Variants in NR2C2 observed in about 807,000 individuals in gnomAD.
NR2C2 encodes nuclear receptor subfamily 2 group C member 2.
In NR2C2, 6 loss-of-function variants were observed where a neutral mutation model predicts 62.9. The ratio of observed to expected loss-of-function variants is 0.10; its 90% CI spans 0.05 to 0.19. The LOEUF (loss-of-function observed/expected upper bound fraction) is 0.19, where lower values mean the gene tolerates loss of function less well. NR2C2 is among the 10% of genes least tolerant of loss of function. The pLI, the probability that NR2C2 is intolerant of heterozygous loss-of-function variation, is 1.00. For synonymous variants in NR2C2, 272 were observed against 273.8 expected, an observed-to-expected ratio of 0.99 and a Z score of 0.07; for missense variants, 479 against 762.7, an observed-to-expected ratio of 0.63 and a Z score of 4.38.
intron 1 of NR2C2, among the ~76,000 whole-genome samples, chr3:14,981,355 G>A (rs1397593435): frequency 6.6e-6 from 1 of 152,118 alleles, no homozygotes; most frequent in East Asian, 1.9e-4. Context: ...TGTAATCCCA[G>A]CACTTTGGAA....
chr3:14,956,631 C>A (rs952500844), intron 1 of NR2C2, among the ~76,000 whole-genome samples: 1 of 152,138 alleles, frequency 6.6e-6, no homozygotes, highest in African/African-American at 2.4e-5. Context: ...GCAACCTCTG[C>A]CTCCTAGGTT....
At chr3:14,978,877 G>A (rs930768226) in intron 1 of NR2C2, among the ~76,000 whole-genome samples, 1 of 152,148 alleles carries the variant, frequency 6.6e-6, no homozygotes, top group South Asian at 2.1e-4. Flanking sequence ...TGATATGAGA[G>A]GTGGTGGTGA....
intron 1 of NR2C2, among the ~76,000 whole-genome samples, chr3:14,964,716 G>T (rs982536206): frequency 1.3e-5 from 2 of 151,622 alleles, no homozygotes; most frequent in African/African-American, 4.9e-5. Flanking sequence ...GTAGAGACGG[G>T]TTTCACCGTG....
At chr3:15,003,023 G>T (rs1417525732) in intron 1 of NR2C2, among the ~76,000 whole-genome samples, 1 of 150,234 alleles carries the variant, frequency 6.7e-6, no homozygotes, top group Non-Finnish European at 1.5e-5. Flanking sequence ...TCCGCTTACT[G>T]CAGCCTCCAC....
intron 2 of NR2C2, among the ~76,000 whole-genome samples, chr3:15,005,359 C>A (rs999554806): frequency 4.2e-5 from 6 of 142,518 alleles, no homozygotes; most frequent in Non-Finnish European, 6.1e-5. Context: ...GATACACACA[C>A]GCATAATGCT....
rs758033048 is a variant in NR2C2, at chr3:15,013,765, C to T, written c.249C>T (p.Asp83=). 1 of 1,614,210 alleles carries T rather than the reference C, an allele frequency of 6.2e-7. No individual in the cohort carries two copies. Among genetic ancestry groups the T allele is most frequent in the South Asian group, 1.1e-5 (1 of 91,090 alleles). The change falls in exon 3 of 14, where the codon GAC becomes GAT. Residue 83 remains aspartate (D), a synonymous_variant. Coordinates refer to ENST00000425241, the MANE Select transcript of NR2C2 (RefSeq NM_001291694.2). ...SAKQLIFTTS[D]NLVPGRIQIV... ...AGCAACTCATATTCACCACCTCAGA[C>T]AACCTCGTCCCTGGCAGGATCCAGG... is the stretch of plus-strand genomic sequence containing the variant.
At chr3:15,041,352 A>C (rs985319105) in intron 13 of NR2C2, among the ~76,000 whole-genome samples, 1 of 152,170 alleles carries the variant, frequency 6.6e-6, no homozygotes, top group Non-Finnish European at 1.5e-5. Context: ...CCTAAGGCCC[A>C]GCTGAGATGG....
At chr3:15,017,896 CAA>C (rs1388155114) in intron 4 of NR2C2, among the ~76,000 whole-genome samples, 14 of 152,268 alleles carry the variant, frequency 9.2e-5, no homozygotes, top group African/African-American at 3.4e-4. Context: ...ATTATACAAA[CAA>C]GACAGAATCA....
chr3:15,029,898 AAAGG>A (rs72500408), intron 8 of NR2C2, among the ~76,000 whole-genome samples: 1,864 of 152,110 alleles, frequency 0.012, 7 homozygotes, highest in South Asian at 0.029. Context: ...GACAAAGAGA[AAAGG>A]AAGGAAGGAA....
At chr3:15,018,291 C>G (rs1168764931) in intron 4 of NR2C2, among the ~76,000 whole-genome samples, 1 of 152,132 alleles carries the variant, frequency 6.6e-6, no homozygotes, top group Admixed American at 6.5e-5. Context: ...GCCACCTTGC[C>G]CAGCCAGGGG....
At chr3:14,957,662 G>C (rs2039565217) in intron 1 of NR2C2, among the ~76,000 whole-genome samples, 1 of 152,130 alleles carries the variant, frequency 6.6e-6, no homozygotes, top group African/African-American at 2.4e-5. Context: ...ACTGTGCCCT[G>C]TTGTCATTTG....
chr3:15,019,944 G>C (rs931140142), intron 4 of NR2C2, among the ~76,000 whole-genome samples: 1 of 152,174 alleles, frequency 6.6e-6, no homozygotes, highest in Non-Finnish European at 1.5e-5. Context: ...AAATGCATAA[G>C]GTGATGGTCA....
chr3:15,039,672 G>A (rs888171372), intron 13 of NR2C2, among the ~76,000 whole-genome samples: 3 of 152,178 alleles, frequency 2.0e-5, no homozygotes, highest in African/African-American at 7.2e-5. Flanking sequence ...GGCAGTGCTA[G>A]AGTACTTGAC....
intron 4 of NR2C2, among the ~76,000 whole-genome samples, chr3:15,018,403 C>T (rs2041573403): frequency 6.6e-6 from 1 of 151,946 alleles, no homozygotes; most frequent in Non-Finnish European, 1.5e-5. Context: ...TTAAACAACT[C>T]GACAGCAAAA....
At position 15,044,884 on chromosome 3, in the gene NR2C2, G is replaced by A. The variant is rs1017460724; in HGVS notation, c.*1876G>A. The A allele has an allele frequency of 2.0e-5, 3 of 152,246 alleles. No homozygotes were observed. Among genetic ancestry groups the A allele is most frequent in the South Asian group, 2.1e-4 (1 of 4,834 alleles). The allele number at this position is 152,246 out of a possible 1,614,324, so 9.4% of individuals were successfully genotyped here. On this transcript the variant is annotated 3_prime_UTR_variant, in exon 14 of 14. Coordinates refer to ENST00000425241, the MANE Select transcript of NR2C2 (RefSeq NM_001291694.2). ...AAGTCAGTGTTAGTAGGGTAAGTGGGAACAGTGTTTCCAACTTCTAAATTC... is the reference window on the plus strand; with the variant it reads ...AAGTCAGTGTTAGTAGGGTAAGTGGAAACAGTGTTTCCAACTTCTAAATTC...
At chr3:14,955,613 C>T (rs961592494) in intron 1 of NR2C2, among the ~76,000 whole-genome samples, 1 of 152,104 alleles carries the variant, frequency 6.6e-6, no homozygotes, top group Non-Finnish European at 1.5e-5. Context: ...TCAGTTTTTT[C>T]CATCTTCATT....
chr3:14,970,645 A>T (rs962424791), intron 1 of NR2C2, among the ~76,000 whole-genome samples: 1 of 152,212 alleles, frequency 6.6e-6, no homozygotes, highest in Admixed American at 6.5e-5. Flanking sequence ...ATGTTGTAGC[A>T]TGTGTCATAT....
rs1034781570 is a variant in NR2C2 at position 14,990,918 on chromosome 3, T to C, written c.-39-12958T>C. Among the ~76,000 whole-genome samples, 4 of 152,358 alleles carry C rather than the reference T, an allele frequency of 2.6e-5. No homozygotes were observed. In the East Asian group the frequency reaches 7.7e-4, roughly 29 times the overall value. On this transcript the variant is annotated intron_variant, in intron 1 of 13. Coordinates refer to ENST00000425241, the MANE Select transcript of NR2C2 (RefSeq NM_001291694.2). ...AATCGTTTCTTAATAGGAACTTGTA[T>C]TTGAATATGCTGGCTAAATTCAGGT...
chr3:14,950,133 A>G (rs1186772345), intron 1 of NR2C2, among the ~76,000 whole-genome samples: 1 of 152,242 alleles, frequency 6.6e-6, no homozygotes, highest in African/African-American at 2.4e-5. Flanking sequence ...TGGTATAGAC[A>G]TTGGACTAAT....
Sources: gnomAD v4.1 joint callset for allele counts (sites outside exome capture counted in the v4.1 genomes callset) on GRCh38, gnomAD v4.1.1 for gene constraint, MANE v1.5 for transcripts, NCBI Gene and HGNC (gene_info 2026-07-23, HGNC 2026-07-21) for gene names.